Variants in SYTL4 observed in about 807,000 individuals in gnomAD.
SYTL4 encodes synaptotagmin-like protein 4.
SYTL4 carries 16 observed loss-of-function variants against 52.7 expected under a neutral mutation model. The ratio of observed to expected loss-of-function variants is 0.30; its 90% CI spans 0.21 to 0.46. SYTL4 has a LOEUF of 0.46. SYTL4 is among the 20% of genes least tolerant of loss of function. The pLI, the probability that SYTL4 is intolerant of heterozygous loss-of-function variation, is 1.00. For synonymous variants in SYTL4, 160 were observed against 186.6 expected (o/e 0.86, Z 1.16); for missense variants, 423 against 519.9 (o/e 0.81, Z 1.81).
At chrX:100,718,348 T>C (rs766525681) in intron 2 of SYTL4, among the ~76,000 whole-genome samples, 4 of 111,938 alleles carry the variant, frequency 3.6e-5, no homozygotes, top group Non-Finnish European at 7.5e-5. Context: ...GTTTAAAGGA[T>C]ATTTATTTAT....
In SYTL4 at chrX:100,675,568, C is replaced by A. The variant is rs759211133; in HGVS notation, c.*460G>T. 6 of 112,785 alleles carry A rather than the reference C, an allele frequency of 5.3e-5. No individual in the cohort carries two copies. Among genetic ancestry groups the A allele is most frequent in the Non-Finnish European group, 7.4e-5 (4 of 53,905 alleles). 9.3% of individuals were successfully genotyped at this position (112,785 alleles called of 1,213,427 possible). A position where few individuals can be genotyped will look rare whatever the true frequency, so the allele number is the denominator to read the frequency against. On this transcript the variant is annotated 3_prime_UTR_variant, in exon 20 of 20. Transcript: ENST00000372989. ...AAGAGGAAGGAACTACTCACCTCTC[C>A]CCAACATTCCTGTCTTTACTAACCA...
intron 2 of SYTL4, among the ~76,000 whole-genome samples, chrX:100,705,465 T>C (rs2083937186): frequency 9.0e-6 from 1 of 111,545 alleles, no homozygotes; most frequent in Non-Finnish European, 1.9e-5. Flanking sequence ...AACTATAAAG[T>C]ACTAAACAGA....
At chrX:100,724,122 C>G (rs1303150339) in intron 2 of SYTL4, among the ~76,000 whole-genome samples, 1 of 72,759 alleles carries the variant, frequency 1.4e-5, no homozygotes, top group Non-Finnish European at 2.6e-5. Flanking sequence ...CCCGGCCAGC[C>G]GCCCCGTCCG....
At chrX:100,713,167 G>A (rs757693642) in intron 2 of SYTL4, among the ~76,000 whole-genome samples, 30 of 112,362 alleles carry the variant, frequency 2.7e-4, no homozygotes, top group Admixed American at 1.9e-4. Flanking sequence ...TACGTAGGCC[G>A]GACGTGGTGG....
chrX:100,720,063 C>T (rs1569416248), intron 2 of SYTL4, among the ~76,000 whole-genome samples: 1 of 112,014 alleles, frequency 8.9e-6, no homozygotes, highest in Non-Finnish European at 1.9e-5. Flanking sequence ...AAATGTGATA[C>T]ATAGAAGTAA....
At chrX:100,723,165 G>A (rs377506125) in intron 2 of SYTL4, among the ~76,000 whole-genome samples, 6 of 112,403 alleles carry the variant, frequency 5.3e-5, no homozygotes, top group African/African-American at 1.9e-4. Flanking sequence ...TCCCTCTGAT[G>A]CAGAGGTGAA....
chrX:100,715,534 T>C (rs1313489052), intron 2 of SYTL4, among the ~76,000 whole-genome samples: 1 of 111,652 alleles, frequency 9.0e-6, no homozygotes, highest in African/African-American at 3.3e-5. Flanking sequence ...TGTATGTTAA[T>C]TAGGAAAGAA....
chrX:100,703,406 A>G (rs967043906), intron 3 of SYTL4, among the ~76,000 whole-genome samples: 10 of 112,017 alleles, frequency 8.9e-5, no homozygotes, highest in Admixed American at 8.5e-4. Flanking sequence ...TGCATAGACA[A>G]TAGAAATCCA....
intron 12 of SYTL4, among the ~76,000 whole-genome samples, 161 bp downstream of exon 12, chrX:100,689,695 A>C (rs2083553862): frequency 9.2e-6 from 1 of 109,210 alleles, no homozygotes; most frequent in African/African-American, 3.3e-5. Flanking sequence ...TCCTTTAAGC[A>C]AATCAGGAAC....
intron 16 of SYTL4, among the ~76,000 whole-genome samples, chrX:100,683,375 C>T (rs868268268): frequency 9.1e-6 from 1 of 109,374 alleles, no homozygotes; most frequent in African/African-American, 3.3e-5. Context: ...TGAGCTGAAG[C>T]GATCCACCCA....
intron 16 of SYTL4, chrX:100,684,816 C>T: frequency 9.0e-6 from 1 of 110,544 alleles, no homozygotes; most frequent in Non-Finnish European, 1.9e-5. Context: ...CCTGCCTCAG[C>T]CTCCCAAGTA....
In SYTL4 at chrX:100,699,230, A is replaced by G. The variant is rs141720417; in HGVS notation, c.539+1667T>C. ...AAAAACATGAAAATTAGCTGGGCTT[A>G]GTGACGCGTGCCTGTAATCCCAGCT... is the stretch of plus-strand genomic sequence containing the variant. On this transcript the variant is annotated intron_variant, in intron 8 of 19. Transcript: ENST00000372989. 7.6e-3 allele frequency among the ~76,000 whole-genome samples: 816 copies of G among 107,237 alleles called. 12 individuals are homozygous for G. Among genetic ancestry groups the G allele is most frequent in the African/African-American group, 0.026 (770 of 29,534 alleles). The allele number at this position is 107,237 out of a possible 115,157, so 93.1% of individuals were successfully genotyped here.
chrX:100,723,817 C>G (rs1377830224), intron 2 of SYTL4, among the ~76,000 whole-genome samples: 8 of 109,797 alleles, frequency 7.3e-5, no homozygotes, highest in Non-Finnish European at 1.5e-4. Flanking sequence ...GCAGCCACCC[C>G]GTCTGGGAAG....
chrX:100,728,454 A>C (rs1420723991), intron 2 of SYTL4, among the ~76,000 whole-genome samples: 2 of 112,001 alleles, frequency 1.8e-5, no homozygotes, highest in African/African-American at 6.5e-5. Flanking sequence ...CTTTTCCATA[A>C]AGTTCCATAA....
At chrX:100,710,950 T>A (rs980603457) in intron 2 of SYTL4, among the ~76,000 whole-genome samples, 1 of 112,355 alleles carries the variant, frequency 8.9e-6, no homozygotes, top group Admixed American at 9.4e-5. Flanking sequence ...GAAATTACTC[T>A]AGGCCAGGGA....
chrX:100,681,271 T>C lies in SYTL4; in HGVS notation c.1514A>G (p.Tyr505Cys), dbSNP rs759224777. 9.9e-6 allele frequency: 12 copies of C among 1,209,185 alleles called. No individual in the cohort carries two copies. In the African/African-American group the frequency reaches 1.9e-4, roughly 19 times the overall value. Residue 505 changes from tyrosine (Y) to cysteine (C), a missense_variant, in exon 17 of 20, where the codon TAC (tyrosine) becomes TGC (cysteine). Coordinates refer to ENST00000372989, the MANE Select transcript of SYTL4 (RefSeq NM_001370165.1). ...AACAGGGGTTTTGGAGGCTGGGATG[T>C]ATTTCAATGAAACCACCAACTCGCC... Reference protein sequence around the residue: ...HKGELVVSLKYIPASKTPVGG... With the variant: ...HKGELVVSLKCIPASKTPVGG...
At chrX:100,677,658 A>C in intron 19 of SYTL4, among the ~76,000 whole-genome samples, 1 of 112,080 alleles carries the variant, frequency 8.9e-6, no homozygotes, top group Non-Finnish European at 1.9e-5. Flanking sequence ...GTGACTTAAA[A>C]GGGAATCAGA....
At chrX:100,701,735 G>T (rs745934980) in intron 5 of SYTL4, 62 bp from the exon 6 acceptor site, 1 of 1,070,541 alleles carries the variant, frequency 9.3e-7, no homozygotes, top group Non-Finnish European at 1.3e-6. Context: ...GGATGGAGAG[G>T]GGTTGAGAGG....
intron 2 of SYTL4, among the ~76,000 whole-genome samples, chrX:100,709,991 T>C (rs1447111769): frequency 8.9e-6 from 1 of 111,834 alleles, no homozygotes; most frequent in African/African-American, 3.3e-5. Context: ...AATGCATTAA[T>C]CACAGGCCAC....
Sources: gnomAD v4.1 joint callset for allele counts (sites outside exome capture counted in the v4.1 genomes callset) on GRCh38, gnomAD v4.1.1 for gene constraint, MANE v1.5 for transcripts, NCBI Gene and HGNC (gene_info 2026-07-23, HGNC 2026-07-21) for gene names.